SNX24: variants seen among roughly 807,000 people sequenced by gnomAD.
SNX24 encodes the protein sorting nexin 24, also known as sorting nexin-24.
SNX24 carries 22 observed loss-of-function variants against 28.7 expected under a neutral mutation model. That is an observed-to-expected ratio of 0.77 (90% CI 0.55 to 1.10). The LOEUF (loss-of-function observed/expected upper bound fraction) is 1.10. SNX24 is among the 50% of genes least tolerant of loss of function. SNX24 has a pLI of 0.00. For missense variants in SNX24, 221 were observed against 201.1 expected (o/e 1.10, Z -0.60); for synonymous variants, 69 against 71.5 (o/e 0.96, Z 0.18).
At chr5:122,950,699 G>A (rs1199310515) in intron 3 of SNX24, among the ~76,000 whole-genome samples, 5 of 152,130 alleles carry the variant, frequency 3.3e-5, no homozygotes, top group Admixed American at 1.3e-4. Flanking sequence ...CCTCACCACG[G>A]CCAACCATCC....
chr5:122,976,744 A>G (rs1761181703), intron 3 of SNX24, among the ~76,000 whole-genome samples: 1 of 152,208 alleles, frequency 6.6e-6, no homozygotes, highest in Non-Finnish European at 1.5e-5. Context: ...TTCTACAAAA[A>G]CTTGTCAGTT....
intron 1 of SNX24, among the ~76,000 whole-genome samples, chr5:122,886,286 A>C (rs1756709614): frequency 1.3e-5 from 2 of 152,194 alleles, no homozygotes; most frequent in Admixed American, 1.3e-4. Flanking sequence ...AGAGAATGTG[A>C]ATTTTAATAA....
At chr5:123,019,617 CAAAAT>C (rs1762734569) in intron 5 of SNX24, among the ~76,000 whole-genome samples, 1 of 152,090 alleles carries the variant, frequency 6.6e-6, no homozygotes, top group African/African-American at 2.4e-5. Context: ...TGTAAGAGAA[CAAAAT>C]AAATTATGGC....
chr5:122,848,968 A>G (rs1358065832), intron 1 of SNX24, among the ~76,000 whole-genome samples: 1 of 152,168 alleles, frequency 6.6e-6, no homozygotes, highest in Non-Finnish European at 1.5e-5. Context: ...CAATATTGAT[A>G]TGGAGAGGTC....
chr5:122,867,042 T>C (rs1168045803), intron 1 of SNX24, among the ~76,000 whole-genome samples: 1 of 152,182 alleles, frequency 6.6e-6, no homozygotes, highest in Non-Finnish European at 1.5e-5. Context: ...CAATCCTGGC[T>C]ATGGGAGAAA....
At chr5:122,939,559 ACTGATGTGT>A (rs1759347646) in intron 2 of SNX24, among the ~76,000 whole-genome samples, 1 of 152,196 alleles carries the variant, frequency 6.6e-6, no homozygotes, top group African/African-American at 2.4e-5. Flanking sequence ...TTTTATGTTT[ACTGATGTGT>A]CTGTTTTTAC....
Position 123,001,925 on chromosome 5 carries a change from T to C in SNX24, c.378-15T>C, listed in dbSNP as rs200551791. ...CGTCCCCTGATGCTGACATGCCTGT[T>C]CTTGACCTTTCCAGCAAACTGTCCC... On this transcript the variant is annotated splice_polypyrimidine_tract_variant and intron_variant, in intron 5 of 6. Transcript: ENST00000261369. The C allele has an allele frequency of 1.2e-6, 2 of 1,613,358 alleles. No individual in the cohort carries two copies. Among genetic ancestry groups the C allele is most frequent in the Non-Finnish European group, 1.7e-6 (2 of 1,179,246 alleles).
intron 5 of SNX24, 88 bp downstream of exon 5, chr5:123,001,525 C>T: frequency 1.1e-6 from 1 of 950,680 alleles, no homozygotes; most frequent in Non-Finnish European, 1.6e-6. Flanking sequence ...TTATGTTTTT[C>T]TTAAGAACCT....
chr5:122,854,515 CA>C (rs55693230), intron 1 of SNX24, among the ~76,000 whole-genome samples: 61,999 of 121,508 alleles, frequency 0.51, 11,714 homozygotes, highest in Admixed American at 0.6. Flanking sequence ...CTCAAAAAAA[CA>C]AAAAAAAAAA....
At chr5:123,029,311 T>C in exon 6 of SNX24, 2 of 1,614,106 alleles carry the variant, frequency 1.2e-6, no homozygotes, top group South Asian at 2.2e-5. Context: ...ATACCTCTCC[T>C]GTTGCTAGAG....
chr5:123,024,644 G>GAA (rs1762824890), intron 5 of SNX24, among the ~76,000 whole-genome samples: 1 of 152,212 alleles, frequency 6.6e-6, no homozygotes, highest in African/African-American at 2.4e-5. Flanking sequence ...CAAGAAAGTA[G>GAA]GTTTTTGGTG....
chr5:122,866,210 C>T (rs1022336296), intron 1 of SNX24, among the ~76,000 whole-genome samples: 1 of 152,128 alleles, frequency 6.6e-6, no homozygotes, highest in African/African-American at 2.4e-5. Context: ...GGTGCAGTGG[C>T]GAGATCTCAG....
At chr5:123,028,962 AAAC>A in intron 5 of SNX24, 1 of 1,114,348 alleles carries the variant, frequency 9.0e-7, no homozygotes, top group Non-Finnish European at 1.3e-6. Context: ...TGAGAAAATT[AAAC>A]AAAATGCCTA....
chr5:123,002,688 C>T (rs1016583618), intron 6 of SNX24, among the ~76,000 whole-genome samples: 2 of 152,172 alleles, frequency 1.3e-5, no homozygotes, highest in African/African-American at 2.4e-5. Flanking sequence ...TCTTTGATGG[C>T]AAACTATATA....
chr5:122,940,674 C>T (rs930955049), intron 2 of SNX24, among the ~76,000 whole-genome samples: 3 of 152,156 alleles, frequency 2.0e-5, no homozygotes, highest in Non-Finnish European at 4.4e-5. Context: ...CAGGTTCAAA[C>T]GATTCTTCTT....
chr5:123,005,429 C>T (rs931327737), intron 6 of SNX24, among the ~76,000 whole-genome samples: 1 of 152,216 alleles, frequency 6.6e-6, no homozygotes, highest in African/African-American at 2.4e-5. Flanking sequence ...ACTTCCCTGT[C>T]TCTGGGCCCT....
chr5:122,975,998 G>T (rs552622766), intron 3 of SNX24, among the ~76,000 whole-genome samples: 1 of 151,982 alleles, frequency 6.6e-6, no homozygotes, highest in African/African-American at 2.4e-5. Flanking sequence ...CATTTTCATT[G>T]CAATATAATT....
chr5:122,857,236 T>C (rs1755236339), intron 1 of SNX24, among the ~76,000 whole-genome samples: 1 of 152,044 alleles, frequency 6.6e-6, no homozygotes, highest in Non-Finnish European at 1.5e-5. Flanking sequence ...GGTCTCCAAC[T>C]CCTGACCTCA....
At chr5:122,916,299 A>G (rs1248020942) in intron 1 of SNX24, among the ~76,000 whole-genome samples, 2 of 152,170 alleles carry the variant, frequency 1.3e-5, no homozygotes, top group Non-Finnish European at 2.9e-5. Flanking sequence ...CTCTGTTTCC[A>G]GGGAGACCTG....
Sources: allele counts gnomAD v4.1 joint callset (sites outside exome capture counted in the v4.1 genomes callset), GRCh38; gene constraint gnomAD v4.1.1; transcripts MANE v1.5; gene names NCBI Gene and HGNC (gene_info 2026-07-23, HGNC 2026-07-21).